MAGI1: variants seen among roughly 807,000 people sequenced by gnomAD.
The protein encoded by MAGI1 is membrane-associated guanylate kinase, WW and PDZ domain-containing protein 1.
A neutral mutation model predicts 139.9 loss-of-function variants in MAGI1; 58 were observed. The ratio of observed to expected loss-of-function variants is 0.41; its 90% CI spans 0.34 to 0.52. MAGI1 has a LOEUF of 0.52. Ranked by LOEUF, MAGI1 falls within the 20% of genes least tolerant of loss-of-function variation. The probability of loss-of-function intolerance (pLI) is 0.12; values close to 1 mark genes in which losing one functional copy is unlikely to be tolerated. For synonymous variants in MAGI1, 812 were observed against 737.9 expected (o/e 1.10, Z -1.63); for missense variants, 1,874 against 1,901.6 (o/e 0.99, Z 0.27).
chr3:65,448,790 C>A (rs1948835280), intron 6 of MAGI1, among the ~76,000 whole-genome samples: 1 of 151,856 alleles, frequency 6.6e-6, no homozygotes, highest in East Asian at 1.9e-4. Context: ...TTTCAGGGAG[C>A]AAAACAAGTC....
chr3:65,361,043 T>C, intron 22 of MAGI1, 156 bp downstream of exon 22: 1 of 1,519,546 alleles, frequency 6.6e-7, no homozygotes, highest in South Asian at 1.3e-5. Context: ...TGTGTAGAGA[T>C]TTCAGAACAA....
chr3:65,388,834 ATTTTTTTTTT>A (rs35579495), intron 14 of MAGI1, among the ~76,000 whole-genome samples: 4 of 91,910 alleles, frequency 4.4e-5, no homozygotes, highest in Admixed American at 3.4e-4. Context: ...ACCATTCCGA[ATTTTTTTTTT>A]TTTTTTTTTT....
intron 18 of MAGI1, among the ~76,000 whole-genome samples, chr3:65,374,977 A>G (rs1942359998): frequency 6.6e-6 from 1 of 152,182 alleles, no homozygotes; most frequent in South Asian, 2.1e-4. Context: ...CCATTAAATG[A>G]AAAACTTTGA....
intron 2 of MAGI1, among the ~76,000 whole-genome samples, chr3:65,590,782 T>C (rs964031117): frequency 2.0e-5 from 3 of 152,118 alleles, no homozygotes; most frequent in Non-Finnish European, 2.9e-5. Context: ...TCTTCCAGAA[T>C]CTAGACAGAG....
At chr3:65,777,179 G>A (rs138833423) in intron 1 of MAGI1, among the ~76,000 whole-genome samples, 260 of 152,184 alleles carry the variant, frequency 1.7e-3, no homozygotes, top group African/African-American at 6.1e-3. Context: ...GGAAATATTC[G>A]ACTTTTGAGA....
intron 2 of MAGI1, chr3:65,532,615 A>C (rs1197314579): frequency 6.6e-6 from 1 of 152,210 alleles, no homozygotes. Flanking sequence ...CAGCAGCCCA[A>C]GCTTGGAGCG....
chr3:65,426,921 A>G lies in MAGI1; in HGVS notation c.2167+2599T>C, dbSNP rs75550216. 3.0e-3 allele frequency among the ~76,000 whole-genome samples: 464 copies of G among 152,314 alleles called. 3 individuals are homozygous for G. The highest frequency in any genetic ancestry group is 0.011 in the African/African-American group (444 of 41,584). Reference sequence around the variant, plus strand: ...CATGTAGATGTTGATGAATATGGCAATATATTCCGGATTTTTCATATAAAT... The same window carrying G: ...CATGTAGATGTTGATGAATATGGCAGTATATTCCGGATTTTTCATATAAAT... On this transcript the variant is annotated intron_variant, in intron 12 of 22. Coordinates refer to ENST00000402939, the MANE Select transcript of MAGI1 (RefSeq NM_001033057.2).
chr3:65,806,552 C>T (rs917546388), intron 1 of MAGI1, among the ~76,000 whole-genome samples: 2 of 152,140 alleles, frequency 1.3e-5, no homozygotes, highest in Admixed American at 6.5e-5. Flanking sequence ...ATTTTTTGCC[C>T]GTAAGTCTCC....
intron 1 of MAGI1, among the ~76,000 whole-genome samples, chr3:65,641,916 T>A (rs1028831051): frequency 6.6e-6 from 1 of 152,084 alleles, no homozygotes; most frequent in Non-Finnish European, 1.5e-5. Flanking sequence ...AGAACAGACA[T>A]CAAATACAAA....
At chr3:66,007,529 T>C (rs58372386) in intron 1 of MAGI1, among the ~76,000 whole-genome samples, 158 of 152,264 alleles carry the variant, frequency 1.0e-3, no homozygotes, top group African/African-American at 3.7e-3. Context: ...AAGAGGAAAC[T>C]CAAGAGCATA....
chr3:65,971,086 CCA>C (rs1421980548), intron 1 of MAGI1, among the ~76,000 whole-genome samples: 1 of 152,086 alleles, frequency 6.6e-6, no homozygotes, highest in Admixed American at 6.5e-5. Flanking sequence ...GCCTGTAGTC[CCA>C]GCTACTCGGG....
intron 1 of MAGI1, among the ~76,000 whole-genome samples, chr3:65,997,172 G>A (rs147093895): frequency 1.6e-3 from 245 of 152,218 alleles, no homozygotes; most frequent in African/African-American, 5.7e-3. Context: ...CTACCTCAGT[G>A]GAAGTGGTCT....
chr3:65,749,372 C>T (rs1221647674), intron 1 of MAGI1, among the ~76,000 whole-genome samples: 2 of 152,104 alleles, frequency 1.3e-5, no homozygotes, highest in Non-Finnish European at 2.9e-5. Context: ...TGTTCTGTGG[C>T]AACCTGGATG....
At chr3:65,715,856 C>A (rs2032173722) in intron 1 of MAGI1, among the ~76,000 whole-genome samples, 1 of 152,168 alleles carries the variant, frequency 6.6e-6, no homozygotes, top group Non-Finnish European at 1.5e-5. Context: ...TTGTAGAATT[C>A]CTTCCGTTTT....
chr3:65,907,450 C>T (rs906883280), intron 1 of MAGI1, among the ~76,000 whole-genome samples: 1 of 152,124 alleles, frequency 6.6e-6, no homozygotes, highest in African/African-American at 2.4e-5. Context: ...ATGCAAAGTA[C>T]TTATCCCCCC....
chr3:65,530,624 G>GTGGTGTGTGTGTGTGTGT (rs1204700107), intron 2 of MAGI1, among the ~76,000 whole-genome samples: 2 of 129,280 alleles, frequency 1.5e-5, no homozygotes, highest in Admixed American at 8.2e-5. Flanking sequence ...ATGTGTGTGT[G>GTGGTGTGTGTGTGTGTGT]GTGTGTGTGT....
At chr3:65,496,674 T>C (rs1010831771) in intron 2 of MAGI1, among the ~76,000 whole-genome samples, 2 of 152,156 alleles carry the variant, frequency 1.3e-5, no homozygotes, top group Non-Finnish European at 2.9e-5. Context: ...ACAGAGAGCA[T>C]CAGGGGGATG....
intron 12 of MAGI1, among the ~76,000 whole-genome samples, chr3:65,415,872 T>A (rs1227260481): frequency 6.6e-6 from 1 of 152,190 alleles, no homozygotes; most frequent in African/African-American, 2.4e-5. Flanking sequence ...AACAGCCTTC[T>A]CTTCCTCCTT....
intron 22 of MAGI1, chr3:65,359,210 G>A: frequency 6.3e-7 from 1 of 1,598,556 alleles, no homozygotes; most frequent in South Asian, 1.1e-5. Context: ...AAGAGAGAAA[G>A]AGAAAAAGTT....
Sources: allele counts gnomAD v4.1 joint callset (sites outside exome capture counted in the v4.1 genomes callset), GRCh38; gene constraint gnomAD v4.1.1; transcripts MANE v1.5; gene names NCBI Gene and HGNC (gene_info 2026-07-23, HGNC 2026-07-21).